AOX1: variants seen among roughly 807,000 people sequenced by gnomAD.
AOX1 encodes aldehyde oxidase 1, also known as aldehyde oxidase.
In AOX1, 153 loss-of-function variants were observed where a neutral mutation model predicts 169.5. That is an observed-to-expected ratio of 0.90 (90% CI 0.79 to 1.03). The LOEUF (loss-of-function observed/expected upper bound fraction) is 1.03. Among genes scored for constraint, AOX1 ranks in the 50% least tolerant of loss-of-function variants. The pLI is 0.00. For synonymous variants in AOX1, 562 were observed against 581.9 expected, an observed-to-expected ratio of 0.97 and a Z score of 0.49; for missense variants, 1,656 against 1,663.9, an observed-to-expected ratio of 1.00 and a Z score of 0.08.
rs2034865991 is a variant in AOX1, at chr2:200,620,639, T to G, written c.1705-11T>G. ...AAATGTAAAAGTATATTTTGGTTAT[T>G]TATTAAACAGAATATAGGCCCAAAG... On this transcript the variant is annotated splice_polypyrimidine_tract_variant and intron_variant, in intron 16 of 34. Transcript: ENST00000374700. The G allele has an allele frequency of 6.7e-7, 1 of 1,503,012 alleles. No individual in the cohort carries two copies. Among genetic ancestry groups the G allele is most frequent in the Admixed American group, 2.6e-5 (1 of 37,876 alleles). 93.1% of individuals were successfully genotyped at this position (1,503,012 alleles called of 1,614,324 possible). A position where few individuals can be genotyped will look rare whatever the true frequency, so the allele number is the denominator to read the frequency against.
chr2:200,673,680 A>T (rs1045473257), downstream of AOX1, among the ~76,000 whole-genome samples: 1 of 152,216 alleles, frequency 6.6e-6, no homozygotes, highest in African/African-American at 2.4e-5. Context: ...CAAAATCATC[A>T]TGTTACACTC....
At chr2:200,648,361 T>C (rs1243172069) in intron 25 of AOX1, among the ~76,000 whole-genome samples, 1 of 152,216 alleles carries the variant, frequency 6.6e-6, no homozygotes. Flanking sequence ...TTGTCTTTCT[T>C]CTGGGTCTAG....
chr2:200,586,503 T>C (rs2034034555), intron 1 of AOX1, among the ~76,000 whole-genome samples: 1 of 152,202 alleles, frequency 6.6e-6, no homozygotes, highest in African/African-American at 2.4e-5. Flanking sequence ...CAGATCTTCG[T>C]TCCCTCAATC....
At position 200,645,151 on chromosome 2, in the gene AOX1, C is replaced by CAGTATTATGTTG. The variant is rs1553575337; in HGVS notation, c.2847+2351_2847+2352insGTATTATGTTGA. ...TGAATGCCTTCAACTTTTTCCCATT[C>CAGTATTATGTTG]AATATTATGTTGAATGTCTTTAACT... On this transcript the variant is annotated intron_variant, in intron 25 of 34. Coordinates refer to ENST00000374700, the MANE Select transcript of AOX1 (RefSeq NM_001159.4). Among the ~76,000 whole-genome samples, 446 of 151,590 alleles carry CAGTATTATGTTG rather than the reference C, an allele frequency of 2.9e-3. 4 individuals carry two copies. Among genetic ancestry groups the CAGTATTATGTTG allele is most frequent in the African/African-American group, 0.01 (429 of 41,258 alleles).
At chr2:200,620,921 T>C in intron 17 of AOX1, 102 bp downstream of exon 17, 1 of 1,372,752 alleles carries the variant, frequency 7.3e-7, no homozygotes, top group Non-Finnish European at 1.0e-6. Context: ...TATTTGTTGG[T>C]GATATCCAAT....
Position 200,670,668 on chromosome 2 carries a change from G to A in AOX1, c.4006G>A (p.Val1336Ile), listed in dbSNP as rs1279464507. Residue 1336 changes from valine (V) to isoleucine (I), a missense_variant, in exon 35 of 35, where the codon GTA (valine) becomes ATA (isoleucine). Transcript: ENST00000374700. ...DEPGSYVPWN[V>I]PI The stretch of plus-strand genomic sequence containing the variant: ...ACCTGGATCCTACGTTCCTTGGAAT[G>A]TACCCATCTGAATCAAATGCAAACT... The A allele has an allele frequency of 2.5e-6, 4 of 1,612,294 alleles. No homozygotes were observed. Among genetic ancestry groups the A allele is most frequent in the Non-Finnish European group, 3.4e-6 (4 of 1,179,106 alleles).
At chr2:200,598,682 T>C (rs2034340471) in intron 4 of AOX1, among the ~76,000 whole-genome samples, 1 of 151,472 alleles carries the variant, frequency 6.6e-6, no homozygotes, top group African/African-American at 2.4e-5. Context: ...GAGGTGGAGG[T>C]TGCAGTGAGC....
intron 19 of AOX1, among the ~76,000 whole-genome samples, chr2:200,626,159 C>T (rs1424995223): frequency 6.6e-6 from 1 of 152,136 alleles, no homozygotes; most frequent in Non-Finnish European, 1.5e-5. Context: ...TATTTTTATC[C>T]CCATTCTGAT....
At chr2:200,645,805 AT>A (rs756250837) in intron 25 of AOX1, among the ~76,000 whole-genome samples, 57 of 151,718 alleles carry the variant, frequency 3.8e-4, no homozygotes, top group Middle Eastern at 3.4e-3. Flanking sequence ...GGGAGGGTGT[AT>A]TTTTCCAGGA....
rs941127499 is a variant in AOX1, at chr2:200,609,670, G to A, written c.1153+256G>A. On this transcript the variant is annotated intron_variant, in intron 12 of 34. Coordinates refer to ENST00000374700, the MANE Select transcript of AOX1 (RefSeq NM_001159.4). Reference sequence around the variant, plus strand: ...ACCCTACACTGGACATGTTTGTGTTGGTTAATGTCCGGATGTGATCTGATT... The same window carrying A: ...ACCCTACACTGGACATGTTTGTGTTAGTTAATGTCCGGATGTGATCTGATT... Among the ~76,000 whole-genome samples, 4 of 152,052 alleles carry A rather than the reference G, an allele frequency of 2.6e-5. 1 individual carries two copies. Among genetic ancestry groups the A allele is most frequent in the East Asian group, 3.8e-4 (2 of 5,202 alleles).
At chr2:200,589,748 G>C (rs1163784356) in intron 1 of AOX1, among the ~76,000 whole-genome samples, 4 of 152,200 alleles carry the variant, frequency 2.6e-5, no homozygotes, top group Non-Finnish European at 5.9e-5. Flanking sequence ...CTAAGAAGCA[G>C]TCATCCTGCA....
At chr2:200,592,416 G>C (rs2034192187) in intron 1 of AOX1, among the ~76,000 whole-genome samples, 1 of 152,178 alleles carries the variant, frequency 6.6e-6, no homozygotes, top group South Asian at 2.1e-4. Context: ...ATGCTTCTAT[G>C]TGTTCTATGA....
intron 21 of AOX1, among the ~76,000 whole-genome samples, chr2:200,635,520 A>G (rs1377899265): frequency 2.0e-5 from 3 of 152,244 alleles, no homozygotes; most frequent in African/African-American, 7.2e-5. Context: ...GAAGTCCCAC[A>G]AAGAAGTCTT....
intron 19 of AOX1, among the ~76,000 whole-genome samples, chr2:200,625,528 T>C (rs1200047472): frequency 2.0e-5 from 3 of 152,176 alleles, no homozygotes; most frequent in Non-Finnish European, 4.4e-5. Flanking sequence ...TTGCCTCACA[T>C]TGTGTTCAGA....
chr2:200,616,184 A>G, intron 16 of AOX1, 121 bp downstream of exon 16: 1 of 691,750 alleles, frequency 1.4e-6, no homozygotes, highest in East Asian at 2.7e-5. Context: ...CTTCTGGTAA[A>G]CTCACAGCCT....
chr2:200,612,762 G>C lies in AOX1; in HGVS notation c.1417G>C (p.Ala473Pro). Residue 473 changes from alanine (A) to proline (P), a missense_variant, in exon 14 of 35, where the codon GCC (alanine) becomes CCC (proline). Physicochemically the swap from Ala to Pro is conservative, Grantham distance 27. Transcript: ENST00000374700. ...YGGVGPATIC[A>P]KNSCQKLIGR... ...AGGCGTTGGTCCAGCCACCATCTGT[G>C]CCAAGAATTCCTGCCAGAAACTCAT... The C allele has an allele frequency of 1.2e-6, 2 of 1,613,916 alleles. No homozygotes were observed. The highest frequency in any genetic ancestry group is 1.7e-6 in the Non-Finnish European group (2 of 1,179,936).
chr2:200,657,559 T>C (rs1409361297), intron 27 of AOX1, among the ~76,000 whole-genome samples: 1 of 152,150 alleles, frequency 6.6e-6, no homozygotes, highest in Non-Finnish European at 1.5e-5. Context: ...TAGTGACAGT[T>C]GAGTTGTCCT....
chr2:200,634,164 A>ATTTTT (rs58341876), intron 20 of AOX1, among the ~76,000 whole-genome samples: 130 of 84,968 alleles, frequency 1.5e-3, no homozygotes, highest in African/African-American at 2.9e-3. Flanking sequence ...TTTCTTGAGG[A>ATTTTT]TTTTTTTTTT....
intron 16 of AOX1, among the ~76,000 whole-genome samples, chr2:200,618,433 CA>C (rs1559240665): frequency 6.6e-6 from 1 of 152,052 alleles, no homozygotes; most frequent in East Asian, 1.9e-4. Context: ...TGTCTTATAC[CA>C]AGTTAATTGT....
Sources: allele counts gnomAD v4.1 joint callset (sites outside exome capture counted in the v4.1 genomes callset), GRCh38; gene constraint gnomAD v4.1.1; transcripts MANE v1.5; gene names NCBI Gene and HGNC (gene_info 2026-07-23, HGNC 2026-07-21).